The following ZNF169 variants were observed in gnomAD, a reference collection of about 807,000 sequenced individuals.
ZNF169 encodes zinc finger protein 169.
Under a neutral mutation model 12.0 loss-of-function variants are expected in ZNF169, and 11 were observed. The ratio of observed to expected loss-of-function variants is 0.92; its 90% CI spans 0.58 to 1.52. The LOEUF is 1.52. Ranked by LOEUF, ZNF169 falls within the 40% of genes most tolerant of loss-of-function variation. The pLI, the probability that ZNF169 is intolerant of heterozygous loss-of-function variation, is 0.00. For synonymous variants in ZNF169, 302 were observed against 286.5 expected (o/e 1.05, Z -0.55); for missense variants, 722 against 744.0 (o/e 0.97, Z 0.34).
chr9:94,296,692 T>C, intron 4 of ZNF169: 1 of 453,520 alleles, frequency 2.2e-6, no homozygotes, highest in Admixed American at 2.4e-5. Context: ...GGTCTATACC[T>C]GGACTCTATG....
At position 94,300,940 on chromosome 9, in the gene ZNF169, C is replaced by T; in HGVS notation, c.1382C>T (p.Pro461Leu). 6.2e-7 allele frequency: 1 copy of T among 1,613,356 alleles called. No homozygotes were observed. Among genetic ancestry groups the T allele is most frequent in the South Asian group, 1.1e-5 (1 of 91,050 alleles). ...THTGEKPYLC[P>L]DCGRGFGQKV... is the part of the protein sequence containing the mutation. ...ACAGGGGAGAAGCCCTACCTGTGCC[C>T]TGATTGTGGGCGTGGCTTTGGTCAG... The change falls in exon 5 of 5, where the codon CCT becomes CTT. Residue 461 changes from proline (P) to leucine (L), a missense_variant. Transcript: ENST00000395395.
In ZNF169 at chr9:94,301,029, T is replaced by G. The variant is rs1481309092; in HGVS notation, c.1471T>G (p.Cys491Gly). ...TGEKPYLCPK[C>G]GRAFGFKSLL... ...GGAGAAGCCTTATCTGTGCCCCAAG[T>G]GTGGGCGTGCATTTGGCTTTAAGTC... Residue 491 changes from cysteine (C) to glycine (G), a missense_variant, in exon 5 of 5, where the codon TGT becomes GGT. Coordinates refer to ENST00000395395, the MANE Select transcript of ZNF169 (RefSeq NM_194320.4). 1 of 1,614,064 alleles carries G rather than the reference T, an allele frequency of 6.2e-7. No individual in the cohort carries two copies. The highest frequency in any genetic ancestry group is 8.5e-7 in the Non-Finnish European group (1 of 1,180,006).
intron 2 of ZNF169, 44 bp from the exon 3 acceptor site, chr9:94,292,297 G>T: frequency 6.2e-7 from 1 of 1,613,476 alleles, no homozygotes; most frequent in South Asian, 1.1e-5. Context: ...TGGTTAGTGG[G>T]CATGGCTGGC....
At position 94,300,909 on chromosome 9, in the gene ZNF169, A is replaced by C. The variant is rs757479892; in HGVS notation, c.1351A>C (p.Thr451Pro). 8.1e-6 allele frequency: 13 copies of C among 1,612,002 alleles called. No homozygotes were observed. Among genetic ancestry groups the C allele is most frequent in the Admixed American group, 1.7e-5 (1 of 59,836 alleles). Residue 451 changes from threonine to proline, a missense_variant, in exon 5 of 5, where the codon ACA becomes CCA. Physicochemically the swap from Thr to Pro is conservative, Grantham distance 38. Transcript: ENST00000395395. ...QKVTLIGHQR[T>P]HTGEKPYLCP... Reference sequence around the variant, plus strand: ...GGTCACCCTCATTGGACACCAGAGGACACACACAGGGGAGAAGCCCTACCT... The same window carrying C: ...GGTCACCCTCATTGGACACCAGAGGCCACACACAGGGGAGAAGCCCTACCT...
In ZNF169 at chr9:94,263,046, C is replaced by CT. The variant is rs546693013; in HGVS notation, c.-56+3704dup. On this transcript the variant is annotated intron_variant, in intron 1 of 4. Coordinates refer to ENST00000395395, the MANE Select transcript of ZNF169 (RefSeq NM_194320.4). Reference sequence around the variant, plus strand: ...TGAGTTGGGGAATGTACCATGGGCCCTTTAAAAGCATGTGCATTCTGTTGA... The same window carrying CT: ...TGAGTTGGGGAATGTACCATGGGCCCTTTTAAAAGCATGTGCATTCTGTTGA... Among the ~76,000 whole-genome samples, 694 of 152,258 alleles carry CT rather than the reference C, an allele frequency of 4.6e-3. 6 individuals carry two copies. Among genetic ancestry groups the CT allele is most frequent in the African/African-American group, 0.016 (658 of 41,538 alleles).
intron 2 of ZNF169, 139 bp downstream of exon 2, chr9:94,278,984 A>G: frequency 1.3e-6 from 1 of 787,414 alleles, no homozygotes. Context: ...GTTTTCTCTC[A>G]GTCTTATTTG....
At chr9:94,286,648 A>G (rs188808323) in intron 2 of ZNF169, among the ~76,000 whole-genome samples, 2 of 151,540 alleles carry the variant, frequency 1.3e-5, no homozygotes, top group Non-Finnish European at 3.0e-5. Flanking sequence ...TTAAACTGCT[A>G]AAAAACAAAT....
chr9:94,299,755 G>T, intron 4 of ZNF169, 60 bp from the exon 5 acceptor site: 1 of 1,540,336 alleles, frequency 6.5e-7, no homozygotes, highest in Non-Finnish European at 8.7e-7. Context: ...AAACTGCTGG[G>T]CAGGTATTAC....
At chr9:94,298,496 C>T (rs1830994424) in intron 4 of ZNF169, among the ~76,000 whole-genome samples, 1 of 151,982 alleles carries the variant, frequency 6.6e-6, no homozygotes, top group South Asian at 2.1e-4. Context: ...GCCTGGCCAA[C>T]ATGGTGAAAC....
Position 94,274,394 on chromosome 9 carries a change from A to G in ZNF169, c.-55-4364A>G, listed in dbSNP as rs925920720. The stretch of plus-strand genomic sequence containing the variant: ...CACCGAGTTCAAAATATTTTCTCAT[A>G]TCCCTTGGAATTTCTTCTTTGATTC... On this transcript the variant is annotated intron_variant, in intron 1 of 4. Coordinates refer to ENST00000395395, the MANE Select transcript of ZNF169 (RefSeq NM_194320.4). 2.0e-5 allele frequency among the ~76,000 whole-genome samples: 3 copies of G among 152,308 alleles called. No homozygotes were observed. In the Middle Eastern group the frequency reaches 0.01, roughly 518 times the overall value.
chr9:94,273,211 T>C (rs1364128286), intron 1 of ZNF169, among the ~76,000 whole-genome samples: 3 of 152,188 alleles, frequency 2.0e-5, no homozygotes, highest in Non-Finnish European at 2.9e-5. Context: ...GCAAAGAAGT[T>C]GGTAAGTTTG....
At chr9:94,296,042 T>G (rs62579665) in intron 4 of ZNF169, among the ~76,000 whole-genome samples, 62,897 of 152,068 alleles carry the variant, frequency 0.41, 13,449 homozygotes, top group Middle Eastern at 0.58. Context: ...TTGTCAAAAC[T>G]TGGCTTGGTT....
intron 2 of ZNF169, among the ~76,000 whole-genome samples, chr9:94,289,555 C>T (rs148347878): frequency 0.017 from 2,582 of 152,106 alleles, 73 homozygotes; most frequent in African/African-American, 0.058. Context: ...TTTGGGAGGC[C>T]GAGGCAGGTG....
intron 2 of ZNF169, among the ~76,000 whole-genome samples, chr9:94,289,789 C>CA (rs936293530): frequency 1.2e-4 from 18 of 145,584 alleles, no homozygotes; most frequent in African/African-American, 2.3e-4. Context: ...GACTCTGTCT[C>CA]AAAAAAAAAA....
chr9:94,295,431 A>G (rs1266761444), intron 4 of ZNF169: 1 of 152,244 alleles, frequency 6.6e-6, no homozygotes. Context: ...ACACTTATAT[A>G]GGTGTGAAAT....
At position 94,288,340 on chromosome 9, in the gene ZNF169, A is replaced by C; in HGVS notation, c.34-4001A>C. ...GTTGTCGGTGTTCTATTTCTCTGTAAATGCCAGGCCATATTCAGTCCATCT... is the reference window on the plus strand; with the variant it reads ...GTTGTCGGTGTTCTATTTCTCTGTACATGCCAGGCCATATTCAGTCCATCT... On this transcript the variant is annotated intron_variant, in intron 2 of 4. Transcript: ENST00000395395. 5.9e-6 allele frequency: 6 copies of C among 1,022,764 alleles called. No homozygotes were observed. The Admixed American group carries it at 1.0e-4, about 18-fold the overall frequency. 63.4% of individuals were successfully genotyped at this position (1,022,764 alleles called of 1,614,324 possible).
At chr9:94,297,290 C>T (rs1830972429) in intron 4 of ZNF169, among the ~76,000 whole-genome samples, 1 of 152,166 alleles carries the variant, frequency 6.6e-6, no homozygotes, top group South Asian at 2.1e-4. Flanking sequence ...CATAAGACTT[C>T]TTTCATTTTT....
chr9:94,266,040 C>A (rs1830285873), intron 1 of ZNF169, among the ~76,000 whole-genome samples: 1 of 146,856 alleles, frequency 6.8e-6, no homozygotes, highest in African/African-American at 2.5e-5. Context: ...GAGACAAGAT[C>A]ACACCACTGC....
chr9:94,290,855 A>G (rs1006892618), intron 2 of ZNF169, among the ~76,000 whole-genome samples: 2 of 152,136 alleles, frequency 1.3e-5, no homozygotes, highest in African/African-American at 4.8e-5. Context: ...TGTTTTTCAT[A>G]GAAACTGTAT....
Sources: gnomAD v4.1 joint callset for allele counts (sites outside exome capture counted in the v4.1 genomes callset) on GRCh38, gnomAD v4.1.1 for gene constraint, MANE v1.5 for transcripts, NCBI Gene and HGNC (gene_info 2026-07-23, HGNC 2026-07-21) for gene names.